TRIM47: variants seen among roughly 807,000 people sequenced by gnomAD.
The protein encoded by TRIM47 is tripartite motif containing 47, also known as E3 ubiquitin-protein ligase TRIM47.
In TRIM47, 46 loss-of-function variants were observed where a neutral mutation model predicts 54.4. The observed-to-expected ratio is 0.84, with a 90% CI of 0.67 to 1.08. The LOEUF is 1.08. TRIM47 is among the 50% of genes least tolerant of loss of function. TRIM47 has a pLI of 0.00. For synonymous variants in TRIM47, 392 were observed against 410.2 expected, an observed-to-expected ratio of 0.96 and a Z score of 0.54; for missense variants, 825 against 910.1, an observed-to-expected ratio of 0.91 and a Z score of 1.20.
intron 1 of TRIM47, 135 bp downstream of exon 1, chr17:75,877,739 G>A (rs942509915): frequency 8.0e-5 from 99 of 1,243,484 alleles, no homozygotes; most frequent in Non-Finnish European, 9.5e-5. Flanking sequence ...GGCTGGAAGG[G>A]ACCGCAAAGA....
Position 75,875,246 on chromosome 17 carries a change from A to G in TRIM47, c.1277-123T>C, listed in dbSNP as rs1402119670. On this transcript the variant is annotated intron_variant, in intron 5 of 5. Transcript: ENST00000254816. The surrounding 1 kb of genome is among the most constrained non-coding windows in gnomAD (Gnocchi z 6.1). ...CCCTGCTTTCCAACCGGCACAACCCAGCCCCGCCGGGGACCACCCCAGGAG... is the reference window on the plus strand; with the variant it reads ...CCCTGCTTTCCAACCGGCACAACCCGGCCCCGCCGGGGACCACCCCAGGAG... 2.6e-6 allele frequency: 3 copies of G among 1,161,484 alleles called. No individual in the cohort carries two copies. The highest frequency in any genetic ancestry group is 1.4e-5 in the South Asian group (1 of 70,562). 71.9% of individuals were successfully genotyped at this position (1,161,484 alleles called of 1,614,324 possible).
rs749834962 is a variant in TRIM47, at chr17:75,874,880, G to A, written c.1520C>T (p.Pro507Leu). 1 of 1,614,040 alleles carries A rather than the reference G, an allele frequency of 6.2e-7. No individual in the cohort carries two copies. The highest frequency in any genetic ancestry group is 1.1e-5 in the South Asian group (1 of 91,094). ...GCGGCCCAGCCGGCCGCGGTCGTAG[G>A]GCTCTTGTGGGGAGAAGTCTTCGGC... Reference protein sequence around the residue: ...VMAEDFSPQEPYDRGRLGRNA... With the variant: ...VMAEDFSPQELYDRGRLGRNA... Residue 507 changes from proline to leucine, a missense_variant, in exon 6 of 6, where the codon CCC becomes CTC. Coordinates refer to ENST00000254816, the MANE Select transcript of TRIM47 (RefSeq NM_033452.3). The surrounding 1 kb of genome is among the most constrained non-coding windows in gnomAD (Gnocchi z 6.2).
In TRIM47 at chr17:75,877,188, G is replaced by C. The variant is rs192398640; in HGVS notation, c.676-375C>G. 321 of 286,774 alleles carry C rather than the reference G, an allele frequency of 1.1e-3. 2 individuals are homozygous for C. The highest frequency in any genetic ancestry group is 6.5e-3 in the African/African-American group (306 of 47,238). The allele number at this position is 286,774 out of a possible 1,614,324, so 17.8% of individuals were successfully genotyped here. A position where few individuals can be genotyped will look rare whatever the true frequency, so the allele number is the denominator to read the frequency against. ...GGGCGGCGGAGGGGTGACTGCACAA[G>C]GAGGCATTAAGCTGTCCTGAGGATC... On this transcript the variant is annotated intron_variant, in intron 1 of 5. Transcript: ENST00000254816.
intron 1 of TRIM47, chr17:75,877,533 G>A: frequency 2.2e-6 from 1 of 464,392 alleles, no homozygotes; most frequent in Non-Finnish European, 3.2e-6. Flanking sequence ...GCTGAGACCG[G>A]CGTGACCCTC....
rs761172543 is a variant in TRIM47, at chr17:75,874,869, C to T, written c.1531G>A (p.Gly511Ser). Residue 511 changes from glycine (G) to serine (S), a missense_variant, in exon 6 of 6, where the codon GGC becomes AGC. Coordinates refer to ENST00000254816, the MANE Select transcript of TRIM47 (RefSeq NM_033452.3). This position sits in a 1 kb window ranked among gnomAD's most constrained non-coding sequence, Gnocchi z 6.2. ...GAGTGGGCGTTGCGGCCCAGCCGGC[C>T]GCGGTCGTAGGGCTCTTGTGGGGAG... ...DFSPQEPYDR[G>S]RLGRNAHSCC... 25 of 1,614,026 alleles carry T rather than the reference C, an allele frequency of 1.5e-5. No individual in the cohort carries two copies. Among genetic ancestry groups the T allele is most frequent in the African/African-American group, 2.7e-5 (2 of 74,932 alleles).
In TRIM47 at chr17:75,875,285, C is replaced by T; in HGVS notation, c.1276+115G>A. The T allele has an allele frequency of 6.9e-7, 1 of 1,441,310 alleles. No homozygotes were observed. The allele number at this position is 1,441,310 out of a possible 1,614,324, so 89.3% of individuals were successfully genotyped here. A position where few individuals can be genotyped will look rare whatever the true frequency, so the allele number is the denominator to read the frequency against. Reference sequence around the variant, plus strand: ...CCACCCCAGGAGCTGCCCTAGCTCTCCCCACAAACTGGGGAGAGGAATCCT... The same window carrying T: ...CCACCCCAGGAGCTGCCCTAGCTCTTCCCACAAACTGGGGAGAGGAATCCT... On this transcript the variant is annotated intron_variant, in intron 5 of 5. Transcript: ENST00000254816. The surrounding 1 kb of genome is among the most constrained non-coding windows in gnomAD (Gnocchi z 6.1).
intron 1 of TRIM47, 47 bp from the exon 2 acceptor site, chr17:75,876,860 G>A: frequency 6.3e-7 from 1 of 1,587,644 alleles, no homozygotes; most frequent in Non-Finnish European, 8.6e-7. Context: ...AGAGGCCACA[G>A]CCCTACACTC....
Position 75,874,885 on chromosome 17 carries a change from T to C in TRIM47, c.1515A>G (p.Gln505=). The C allele has an allele frequency of 6.2e-7, 1 of 1,614,116 alleles. No individual in the cohort carries two copies. The highest frequency in any genetic ancestry group is 8.5e-7 in the Non-Finnish European group (1 of 1,179,998). ...CCAGCCGGCCGCGGTCGTAGGGCTC[T>C]TGTGGGGAGAAGTCTTCGGCCATGA... ...MGVMAEDFSP[Q]EPYDRGRLGR... is the part of the protein sequence containing the mutation. The change falls in exon 6 of 6, where the codon CAA becomes CAG. Residue 505 remains glutamine, a synonymous_variant. Coordinates refer to ENST00000254816, the MANE Select transcript of TRIM47 (RefSeq NM_033452.3). This position sits in a 1 kb window ranked among gnomAD's most constrained non-coding sequence, Gnocchi z 6.2.
rs941265641 is a variant in TRIM47 at position 75,878,183 on chromosome 17, C to T, written c.366G>A (p.Ala122=). Residue 122 remains alanine, a synonymous_variant, in exon 1 of 6, where the codon GCG becomes GCA. Coordinates refer to ENST00000254816, the MANE Select transcript of TRIM47 (RefSeq NM_033452.3). ...SAPCAPEPWP[A]GEEPVRCDAC... is the part of the protein sequence containing the mutation. ...CGTCGCAGCGCACTGGCTCTTCGCC[C>T]GCGGGCCACGGCTCGGGAGCGCAGG... 10 of 1,229,158 alleles carry T rather than the reference C, an allele frequency of 8.1e-6. No individual in the cohort carries two copies. In the Admixed American group the frequency reaches 2.6e-4, roughly 32 times the overall value. 76.1% of individuals were successfully genotyped at this position (1,229,158 alleles called of 1,614,324 possible). A position where few individuals can be genotyped will look rare whatever the true frequency, so the allele number is the denominator to read the frequency against.
chr17:75,876,250 A>G lies in TRIM47; in HGVS notation c.1002+12T>C. 6.3e-7 allele frequency: 1 copy of G among 1,596,774 alleles called. No individual in the cohort carries two copies. The highest frequency in any genetic ancestry group is 8.5e-7 in the Non-Finnish European group (1 of 1,173,030). ...CTTCTGTTCCTTCCGTGGCCCCCAG[A>G]GCGGCCTTCACCTGCAGGAAGCTGA... On this transcript the variant is annotated intron_variant, in intron 3 of 5. Transcript: ENST00000254816.
chr17:75,876,680 G>A (rs765554927), intron 2 of TRIM47, 38 bp downstream of exon 2: 1 of 1,608,618 alleles, frequency 6.2e-7, no homozygotes, highest in Non-Finnish European at 8.5e-7. Context: ...TGGTTTGTTT[G>A]GAGTGGATTG....
In TRIM47 at chr17:75,874,636, GGAGGCCGGGATGCCACCCCGGC is replaced by G. The variant is rs771833417; in HGVS notation, c.1742_1763del (p.Arg581ProfsTer48). 1.3e-6 allele frequency: 2 copies of G among 1,586,494 alleles called. No individual in the cohort carries two copies. Among genetic ancestry groups the G allele is most frequent in the Non-Finnish European group, 1.7e-6 (2 of 1,165,154 alleles). ...GGCGGCTCTGGAAGGGGTCAATGGG[GGAGGCCGGGATGCCACCCCGGC>G]GGGGCCGGGAGGCCTTCAGCCTCCG... On this transcript the variant is annotated frameshift_variant, in exon 6 of 6. Transcript: ENST00000254816. LOFTEE classifies it high-confidence loss of function. This position sits in a 1 kb window ranked among gnomAD's most constrained non-coding sequence, Gnocchi z 6.2.
In TRIM47 at chr17:75,876,327, G is replaced by A. The variant is rs757078860; in HGVS notation, c.937C>T (p.Arg313Cys). Residue 313 changes from arginine to cysteine, a missense_variant, in exon 3 of 6, where the codon CGC becomes TGC. Physicochemically the swap from Arg to Cys is radical, Grantham distance 180. Transcript: ENST00000254816. ...DLRRQEEQRS[R>C]LSRARQNLSQ... ...AGATTCTGGCGGGCTCGGCTCAGGC[G>A]GCTGCGCTGTTCCTCCTGTCGCCGC... The A allele has an allele frequency of 1.7e-5, 28 of 1,611,242 alleles. No homozygotes were observed. Among genetic ancestry groups the A allele is most frequent in the South Asian group, 1.5e-4 (14 of 91,060 alleles).
In TRIM47 at chr17:75,878,425, C is replaced by T. The variant is rs750105576; in HGVS notation, c.124G>A (p.Ala42Thr). 10 of 1,429,412 alleles carry T rather than the reference C, an allele frequency of 7.0e-6. No homozygotes were observed. The highest frequency in any genetic ancestry group is 9.2e-6 in the Non-Finnish European group (10 of 1,082,788). 88.5% of individuals were successfully genotyped at this position (1,429,412 alleles called of 1,614,324 possible). ...CCTCCGGGTCCGCCGGCTCCACTCGCGCCACGATGCGGCCAGAGCGCGCCC... is the reference window on the plus strand; with the variant it reads ...CCTCCGGGTCCGCCGGCTCCACTCGTGCCACGATGCGGCCAGAGCGCGCCC... ...CLGALWPHRGASGAGGPGGAA... is the reference protein window; with the variant it reads ...CLGALWPHRGTSGAGGPGGAA... Residue 42 changes from alanine (A) to threonine (T), a missense_variant, in exon 1 of 6, where the codon GCG becomes ACG. Coordinates refer to ENST00000254816, the MANE Select transcript of TRIM47 (RefSeq NM_033452.3).
chr17:75,876,686 G>A, intron 2 of TRIM47, 32 bp downstream of exon 2: 1 of 1,611,190 alleles, frequency 6.2e-7, no homozygotes, highest in African/African-American at 1.3e-5. Flanking sequence ...GTTTGGAGTG[G>A]ATTGTTCCAT....
At position 75,876,312 on chromosome 17, in the gene TRIM47, G is replaced by A. The variant is rs138136962; in HGVS notation, c.952C>T (p.Arg318Cys). The A allele has an allele frequency of 1.8e-5, 29 of 1,610,788 alleles. No individual in the cohort carries two copies. In the African/African-American group the frequency reaches 2.3e-4, roughly 13 times the overall value. The change falls in exon 3 of 6, where the codon CGC (arginine) becomes TGC (cysteine). Residue 318 changes from arginine (R) to cysteine (C), a missense_variant. Transcript: ENST00000254816. ...EEQRSRLSRA[R>C]QNLSQVPEAD... ...TCAGGGACCTGGCTGAGATTCTGGCGGGCTCGGCTCAGGCGGCTGCGCTGT... is the reference window on the plus strand; with the variant it reads ...TCAGGGACCTGGCTGAGATTCTGGCAGGCTCGGCTCAGGCGGCTGCGCTGT...
chr17:75,876,884 T>C (rs1237662037), intron 1 of TRIM47, 71 bp from the exon 2 acceptor site: 3 of 1,484,198 alleles, frequency 2.0e-6, no homozygotes, highest in Non-Finnish European at 2.8e-6. Flanking sequence ...TCCCAGGCCT[T>C]GCCAGGGGAG....
Position 75,875,221 on chromosome 17 carries a change from C to T in TRIM47, c.1277-98G>A, listed in dbSNP as rs2065126414. ...CCACCCCCCCAAAACACAGCCTCTC[C>T]CCTGCTTTCCAACCGGCACAACCCA... On this transcript the variant is annotated intron_variant, in intron 5 of 5. Coordinates refer to ENST00000254816, the MANE Select transcript of TRIM47 (RefSeq NM_033452.3). The surrounding 1 kb of genome is among the most constrained non-coding windows in gnomAD (Gnocchi z 6.1). 3 of 1,477,818 alleles carry T rather than the reference C, an allele frequency of 2.0e-6. No homozygotes were observed. Among genetic ancestry groups the T allele is most frequent in the Non-Finnish European group, 2.7e-6 (3 of 1,100,910 alleles). 91.5% of individuals were successfully genotyped at this position (1,477,818 alleles called of 1,614,324 possible).
At position 75,878,327 on chromosome 17, in the gene TRIM47, G is replaced by A; in HGVS notation, c.222C>T (p.Ser74=). ...AGCCCTGGCGGAGCTGCAGCAGCTC[G>A]GACAGCGTGTGGTTCTTGCGGAGCT... is the stretch of plus-strand genomic sequence containing the variant. ...GLQLRKNHTL[S]ELLQLRQGSG... The change falls in exon 1 of 6, where the codon TCC becomes TCT. Residue 74 remains serine (S), a synonymous_variant. Coordinates refer to ENST00000254816, the MANE Select transcript of TRIM47 (RefSeq NM_033452.3). 11 of 1,303,052 alleles carry A rather than the reference G, an allele frequency of 8.4e-6. No homozygotes were observed. The highest frequency in any genetic ancestry group is 1.1e-5 in the Non-Finnish European group (11 of 1,021,358). The allele number at this position is 1,303,052 out of a possible 1,614,324, so 80.7% of individuals were successfully genotyped here.
Sources: gnomAD v4.1 joint callset for allele counts on GRCh38, gnomAD v4.1.1 for gene constraint, Gnocchi (gnomAD v3.1) non-coding constraint, MANE v1.5 for transcripts, NCBI Gene and HGNC (gene_info 2026-07-23, HGNC 2026-07-21) for gene names.